Variants in COG2 observed in about 807,000 individuals in gnomAD.
COG2 encodes the protein component of oligomeric golgi complex 2.
COG2 carries 52 observed loss-of-function variants against 90.6 expected under a neutral mutation model. The observed-to-expected ratio is 0.57, with a 90% CI of 0.46 to 0.72. The LOEUF (loss-of-function observed/expected upper bound fraction) is 0.72, where lower values mean the gene tolerates loss of function less well. COG2 is among the 30% of genes least tolerant of loss of function. The pLI, the probability that COG2 is intolerant of heterozygous loss-of-function variation, is 0.00. For synonymous variants in COG2, 337 were observed against 320.4 expected (o/e 1.05, Z -0.55); for missense variants, 829 against 891.2 (o/e 0.93, Z 0.89).
At chr1:230,663,029 CTG>C (rs1275246354) in intron 3 of COG2, 110 bp from the exon 4 acceptor site, 8 of 629,702 alleles carry the variant, frequency 1.3e-5, no homozygotes, top group Non-Finnish European at 2.0e-5. Flanking sequence ...TTGTCAATAT[CTG>C]TGTAATACTG....
At chr1:230,685,291 A>G in intron 12 of COG2, 55 bp downstream of exon 12, 2 of 1,585,660 alleles carry the variant, frequency 1.3e-6, no homozygotes, top group South Asian at 1.1e-5. Flanking sequence ...AATTAAAGAT[A>G]TGTTAGGCTA....
At chr1:230,680,909 T>C (rs950088356) in intron 10 of COG2, 3 of 152,152 alleles carry the variant, frequency 2.0e-5, no homozygotes, top group Non-Finnish European at 4.4e-5. Context: ...TCATTTGAAG[T>C]AAACCTAAAG....
chr1:230,692,431 A>G (rs771562511), intron 17 of COG2, among the ~76,000 whole-genome samples: 6 of 152,094 alleles, frequency 3.9e-5, no homozygotes, highest in Non-Finnish European at 8.8e-5. Context: ...CATGATCATC[A>G]CTGAAAATTC....
intron 1 of COG2, among the ~76,000 whole-genome samples, chr1:230,644,289 C>A (rs1162627979): frequency 6.6e-6 from 1 of 152,182 alleles, no homozygotes; most frequent in Non-Finnish European, 1.5e-5. Flanking sequence ...CATAGAACAG[C>A]TGTTCTGTGT....
At position 230,659,332 on chromosome 1, in the gene COG2, T is replaced by A; in HGVS notation, c.73-132T>A. 3 of 746,626 alleles carry A rather than the reference T, an allele frequency of 4.0e-6. No individual in the cohort carries two copies. The South Asian group carries it at 4.9e-5, about 12-fold the overall frequency. The allele number at this position is 746,626 out of a possible 1,614,324, so 46.3% of individuals were successfully genotyped here. On this transcript the variant is annotated intron_variant, in intron 1 of 17. Coordinates refer to ENST00000366669, the MANE Select transcript of COG2 (RefSeq NM_007357.3). The stretch of plus-strand genomic sequence containing the variant: ...TCATACTGTCATGTATAAGCCAAGA[T>A]ACTTTCTTCCTGCAGCAGCATGGCC...
At chr1:230,674,918 G>T in intron 8 of COG2, 80 bp from the exon 9 acceptor site, 1 of 1,106,458 alleles carries the variant, frequency 9.0e-7, no homozygotes, top group Non-Finnish European at 1.3e-6. Flanking sequence ...CGGATCTTTT[G>T]GCAGAAGCAA....
intron 10 of COG2, chr1:230,681,371 T>G (rs543866566): frequency 6.6e-6 from 1 of 152,358 alleles, no homozygotes; most frequent in South Asian, 2.1e-4. Flanking sequence ...CACAGTCTTA[T>G]GATGTGGAAT....
chr1:230,685,533 A>AAAC (rs1398948441), intron 12 of COG2, among the ~76,000 whole-genome samples: 1 of 152,240 alleles, frequency 6.6e-6, no homozygotes, highest in Non-Finnish European at 1.5e-5. Context: ...AAATTTAAAA[A>AAAC]AAGAAAAAGA....
chr1:230,651,841 G>A (rs571768064), intron 1 of COG2, among the ~76,000 whole-genome samples: 2 of 152,192 alleles, frequency 1.3e-5, no homozygotes, highest in South Asian at 4.1e-4. Context: ...ATCTACCTTA[G>A]TATTTTTTAA....
chr1:230,683,088 A>T (rs1662794689), intron 10 of COG2: 1 of 155,254 alleles, frequency 6.4e-6, no homozygotes, highest in African/African-American at 2.4e-5. Context: ...CCAAGCAGTG[A>T]GTTCTAGTTT....
At chr1:230,667,185 A>G (rs888889553) in intron 5 of COG2, among the ~76,000 whole-genome samples, 2 of 152,254 alleles carry the variant, frequency 1.3e-5, no homozygotes, top group African/African-American at 4.8e-5. Flanking sequence ...ACTAGTAGGT[A>G]CCTAAGAAAA....
chr1:230,681,072 A>G (rs1662735091), intron 10 of COG2: 2 of 152,230 alleles, frequency 1.3e-5, no homozygotes, highest in African/African-American at 2.4e-5. Flanking sequence ...ATTCTTGTGA[A>G]CACATTTTGT....
Position 230,662,708 on chromosome 1 carries a change from C to T in COG2, c.301-433C>T, listed in dbSNP as rs547552274. On this transcript the variant is annotated intron_variant, in intron 3 of 17. Transcript: ENST00000366669. ...TCCAAATTGATGCCTGCAGTACCCC[C>T]GGATGTATTCCTCACTGGTCCTGAA... 1.4e-4 allele frequency among the ~76,000 whole-genome samples: 22 copies of T among 152,320 alleles called. 2 individuals are homozygous for T. The South Asian group carries it at 4.6e-3, about 32-fold the overall frequency.
intron 1 of COG2, among the ~76,000 whole-genome samples, chr1:230,652,469 T>C (rs947064206): frequency 6.6e-6 from 1 of 152,224 alleles, no homozygotes; most frequent in Non-Finnish European, 1.5e-5. Flanking sequence ...AAAGAAATCA[T>C]ATTTGCTTCC....
rs765517219 is a variant in COG2, at chr1:230,686,925, C to T, written c.1381-10C>T. 1.1e-4 allele frequency: 170 copies of T among 1,501,332 alleles called. No homozygotes were observed. Among genetic ancestry groups the T allele is most frequent in the Non-Finnish European group, 1.4e-4 (155 of 1,119,260 alleles). 93.0% of individuals were successfully genotyped at this position (1,501,332 alleles called of 1,614,324 possible). Reference sequence around the variant, plus strand: ...TGTGAAAGTAGTTAATCAGTGAAATCCTTTTTCAGCTTTCACTCAGGCCCA... The same window carrying T: ...TGTGAAAGTAGTTAATCAGTGAAATTCTTTTTCAGCTTTCACTCAGGCCCA... On this transcript the variant is annotated splice_polypyrimidine_tract_variant and intron_variant, in intron 12 of 17. Coordinates refer to ENST00000366669, the MANE Select transcript of COG2 (RefSeq NM_007357.3).
At chr1:230,674,909 G>A (rs1662546257) in intron 8 of COG2, 89 bp from the exon 9 acceptor site, 5 of 989,630 alleles carry the variant, frequency 5.1e-6, no homozygotes, top group Admixed American at 5.6e-5. Flanking sequence ...TTTAGACTGC[G>A]GATCTTTTGG....
intron 5 of COG2, among the ~76,000 whole-genome samples, chr1:230,666,847 T>C (rs1001276584): frequency 1.3e-5 from 2 of 152,220 alleles, no homozygotes; most frequent in South Asian, 2.1e-4. Context: ...TAAAACGATA[T>C]GGATTTGTTT....
intron 1 of COG2, 130 bp from the exon 2 acceptor site, chr1:230,659,334 C>CT: frequency 1.3e-6 from 1 of 763,224 alleles, no homozygotes; most frequent in Non-Finnish European, 2.2e-6. Context: ...AGCCAAGATA[C>CT]TTTCTTCCTG....
intron 9 of COG2, chr1:230,678,148 T>G (rs1266688536): frequency 1.0e-6 from 1 of 985,300 alleles, no homozygotes; most frequent in Non-Finnish European, 1.2e-6. Flanking sequence ...TCTTAGAGCC[T>G]GGGGGCTTCG....
Sources: gnomAD v4.1 joint callset for allele counts (sites outside exome capture counted in the v4.1 genomes callset) on GRCh38, gnomAD v4.1.1 for gene constraint, MANE v1.5 for transcripts, NCBI Gene and HGNC (gene_info 2026-07-23, HGNC 2026-07-21) for gene names.